Variants in CCDC158 observed in about 807,000 individuals in gnomAD.
CCDC158 encodes coiled-coil domain-containing protein 158.
A neutral mutation model predicts 138.6 loss-of-function variants in CCDC158; 116 were observed. The ratio of observed to expected loss-of-function variants is 0.84; its 90% CI spans 0.72 to 0.98. CCDC158 has a LOEUF of 0.98. Ranked by LOEUF, CCDC158 falls within the 50% of genes least tolerant of loss-of-function variation. The probability of loss-of-function intolerance (pLI) is 0.00; values close to 1 mark genes in which losing one functional copy is unlikely to be tolerated. For synonymous variants in CCDC158, 436 were observed against 442.4 expected (o/e 0.99, Z 0.18); for missense variants, 1,265 against 1,306.1 (o/e 0.97, Z 0.48).
chr4:76,419,599 T>C (rs1350757210), intron 1 of CCDC158, among the ~76,000 whole-genome samples: 1 of 152,138 alleles, frequency 6.6e-6, no homozygotes, highest in East Asian at 1.9e-4. Flanking sequence ...ATTTGGTGAC[T>C]TGTGGCCACA....
chr4:76,386,488 T>A (rs28808988), intron 4 of CCDC158, among the ~76,000 whole-genome samples: 4,390 of 152,254 alleles, frequency 0.029, 164 homozygotes, highest in African/African-American at 0.1. Context: ...AAAAATTCAG[T>A]AATGGGGCTT....
At chr4:76,398,485 G>A (rs926686872) in intron 3 of CCDC158, among the ~76,000 whole-genome samples, 9 of 151,864 alleles carry the variant, frequency 5.9e-5, no homozygotes, top group Non-Finnish European at 1.0e-4. Context: ...TGGGCAACAC[G>A]ATGAAATCCC....
At chr4:76,340,329 A>C (rs981678270) in intron 18 of CCDC158, among the ~76,000 whole-genome samples, 2 of 152,192 alleles carry the variant, frequency 1.3e-5, no homozygotes, top group African/African-American at 2.4e-5. Context: ...TTACTTCCCA[A>C]CCACAAAAGG....
rs145969959 is a variant in CCDC158, at chr4:76,416,737, C to T, written c.-117+4228G>A. On this transcript the variant is annotated intron_variant, in intron 1 of 24. Coordinates refer to ENST00000682701, the MANE Select transcript of CCDC158 (RefSeq NM_001394954.1). The stretch of plus-strand genomic sequence containing the variant: ...ATGTGGTGTTAAGCCTGAAGGTGCA[C>T]AGGCCTCAAGAATTGAGGTTTGGGA... 4.5e-3 allele frequency among the ~76,000 whole-genome samples: 682 copies of T among 152,328 alleles called. 6 individuals carry two copies. Among genetic ancestry groups the T allele is most frequent in the African/African-American group, 0.015 (624 of 41,572 alleles).
chr4:76,416,782 A>G (rs1057345582), intron 1 of CCDC158, among the ~76,000 whole-genome samples: 1 of 152,198 alleles, frequency 6.6e-6, no homozygotes, highest in Non-Finnish European at 1.5e-5. Flanking sequence ...TAGATGTCAG[A>G]TGTATGGAAA....
At chr4:76,414,464 A>G (rs1729535258) in intron 1 of CCDC158, 1 of 152,200 alleles carries the variant, frequency 6.6e-6, no homozygotes, top group Non-Finnish European at 1.5e-5. Context: ...TCACAAATAT[A>G]ATTTTGGAGA....
At chr4:76,411,972 T>A (rs2109909792) in intron 2 of CCDC158, 118 bp downstream of exon 2, 1 of 152,278 alleles carries the variant, frequency 6.6e-6, no homozygotes, top group East Asian at 1.9e-4. Context: ...TAGGCATCCA[T>A]CAAATTCAAG....
At chr4:76,388,715 G>A (rs536271031) in intron 4 of CCDC158, among the ~76,000 whole-genome samples, 1 of 152,264 alleles carries the variant, frequency 6.6e-6, no homozygotes, top group African/African-American at 2.4e-5. Flanking sequence ...GCTGACTTCA[G>A]GTCTGACCCA....
intron 6 of CCDC158, 51 bp from the exon 7 acceptor site, chr4:76,383,789 G>T (rs376986782): frequency 7.9e-7 from 1 of 1,270,244 alleles, no homozygotes; most frequent in Non-Finnish European, 1.1e-6. Context: ...TATAAGGCTT[G>T]GAAAATCTGG....
At chr4:76,398,244 T>A (rs1329125232) in intron 3 of CCDC158, among the ~76,000 whole-genome samples, 1 of 152,208 alleles carries the variant, frequency 6.6e-6, no homozygotes, top group Non-Finnish European at 1.5e-5. Context: ...TGAAGGATTA[T>A]TTAGTAGCAG....
At chr4:76,347,795 T>C (rs1722700142) in intron 18 of CCDC158, among the ~76,000 whole-genome samples, 2 of 152,004 alleles carry the variant, frequency 1.3e-5, no homozygotes, top group African/African-American at 4.8e-5. Context: ...ACTCAATTAT[T>C]TAAAGAGGAA....
chr4:76,349,061 CAG>C (rs571712501), intron 18 of CCDC158, among the ~76,000 whole-genome samples: 284 of 152,122 alleles, frequency 1.9e-3, no homozygotes, highest in Non-Finnish European at 2.2e-3. Flanking sequence ...TGAAAACAGT[CAG>C]AGAAAAAACT....
chr4:76,340,408 T>C (rs1036580409), intron 18 of CCDC158, among the ~76,000 whole-genome samples: 17 of 152,354 alleles, frequency 1.1e-4, no homozygotes, highest in African/African-American at 4.1e-4. Context: ...GCTTTGTCCA[T>C]GCTAGAAGAG....
At chr4:76,332,977 A>T (rs900945796) in intron 19 of CCDC158, among the ~76,000 whole-genome samples, 1 of 152,212 alleles carries the variant, frequency 6.6e-6, no homozygotes, top group Non-Finnish European at 1.5e-5. Flanking sequence ...AATCTGTCAA[A>T]TAAGTGTAAT....
At chr4:76,407,702 A>G (rs1319104838) in intron 2 of CCDC158, among the ~76,000 whole-genome samples, 2 of 152,228 alleles carry the variant, frequency 1.3e-5, no homozygotes, top group Admixed American at 1.3e-4. Flanking sequence ...ATATAGAACC[A>G]CAACCAAATA....
rs1310902407 is a variant in CCDC158, at chr4:76,354,167, G to A, written c.2287-886C>T. ...AAGGCAGGCATCTTTGTTGACAGCA[G>A]GCAGTAACCTCTTAAAGCCATAAGC... On this transcript the variant is annotated intron_variant, in intron 15 of 24. Transcript: ENST00000682701. 8.8e-5 allele frequency among the ~76,000 whole-genome samples: 13 copies of A among 147,202 alleles called. No individual in the cohort carries two copies. The Admixed American group carries it at 9.0e-4, about 10-fold the overall frequency.
intron 13 of CCDC158, among the ~76,000 whole-genome samples, chr4:76,360,210 C>T (rs1723998984): frequency 6.6e-6 from 1 of 152,206 alleles, no homozygotes; most frequent in South Asian, 2.1e-4. Flanking sequence ...TTGGGAGCCT[C>T]CACTTAGATT....
intron 18 of CCDC158, among the ~76,000 whole-genome samples, chr4:76,334,624 A>C (rs1721301293): frequency 6.6e-6 from 1 of 152,216 alleles, no homozygotes; most frequent in Admixed American, 6.5e-5. Flanking sequence ...GAGGAAAGAA[A>C]CATCCAATAT....
intron 1 of CCDC158, among the ~76,000 whole-genome samples, chr4:76,413,417 G>A (rs1729447919): frequency 6.7e-6 from 1 of 149,780 alleles, no homozygotes; most frequent in Non-Finnish European, 1.5e-5. Context: ...TGAGGCTGCA[G>A]TGAGCCGTGA....
Sources: gnomAD v4.1 joint callset for allele counts (sites outside exome capture counted in the v4.1 genomes callset) on GRCh38, gnomAD v4.1.1 for gene constraint, MANE v1.5 for transcripts, NCBI Gene and HGNC (gene_info 2026-07-23, HGNC 2026-07-21) for gene names.